The following XIRP2 variants were observed in gnomAD, a reference collection of about 807,000 sequenced individuals.
XIRP2 encodes xin actin binding repeat containing 2.
Under a neutral mutation model 277.0 loss-of-function variants are expected in XIRP2, and 236 were observed. The observed-to-expected ratio is 0.85, with a 90% CI of 0.77 to 0.95. The LOEUF (loss-of-function observed/expected upper bound fraction) is 0.95. XIRP2 is among the 40% of genes least tolerant of loss of function. XIRP2 has a pLI of 0.00. For synonymous variants in XIRP2, 1,490 were observed against 1,416.5 expected, an observed-to-expected ratio of 1.05 and a Z score of -1.17; for missense variants, 4,640 against 4,157.5, an observed-to-expected ratio of 1.12 and a Z score of -3.19.
intron 2 of XIRP2, among the ~76,000 whole-genome samples, chr2:167,006,972 A>G (rs929117606): frequency 2.0e-5 from 3 of 151,730 alleles, no homozygotes; most frequent in African/African-American, 4.8e-5. Context: ...GAAGACTTCA[A>G]TGGATTGCAG....
At chr2:167,204,941 A>G (rs544023287) in intron 3 of XIRP2, among the ~76,000 whole-genome samples, 1 of 152,256 alleles carries the variant, frequency 6.6e-6, no homozygotes, top group Admixed American at 6.5e-5. Flanking sequence ...TTCATTTGCA[A>G]TATGCTGTGA....
intron 2 of XIRP2, 93 bp from the exon 3 acceptor site, chr2:167,135,816 C>G (rs1392471371): frequency 3.3e-6 from 4 of 1,210,676 alleles, no homozygotes; most frequent in Non-Finnish European, 4.4e-6. Context: ...GAAATCCCTC[C>G]CTCTTTCATT....
intron 8 of XIRP2, among the ~76,000 whole-genome samples, chr2:167,242,133 T>C (rs1360831620): frequency 1.3e-5 from 2 of 152,146 alleles, no homozygotes; most frequent in Non-Finnish European, 2.9e-5. Flanking sequence ...ATTATATATG[T>C]TCTAAAGTCT....
At chr2:166,897,369 T>G (rs1684270852) in intron 1 of XIRP2, among the ~76,000 whole-genome samples, 1 of 152,058 alleles carries the variant, frequency 6.6e-6, no homozygotes, top group Non-Finnish European at 1.5e-5. Flanking sequence ...TTCTGTAATC[T>G]CATGTCCCAT....
intron 2 of XIRP2, among the ~76,000 whole-genome samples, chr2:167,057,379 A>T (rs1396118228): frequency 1.3e-5 from 2 of 152,158 alleles, no homozygotes; most frequent in Non-Finnish European, 2.9e-5. Context: ...TGAATTTGTG[A>T]GCAGAAGTAT....
chr2:166,924,498 T>G (rs961182917), intron 2 of XIRP2, among the ~76,000 whole-genome samples: 3 of 152,048 alleles, frequency 2.0e-5, no homozygotes, highest in Non-Finnish European at 4.4e-5. Flanking sequence ...TGAATTTTTT[T>G]CTTTATAACT....
At chr2:166,968,116 G>T (rs964520665) in intron 2 of XIRP2, among the ~76,000 whole-genome samples, 1 of 151,896 alleles carries the variant, frequency 6.6e-6, no homozygotes, top group African/African-American at 2.4e-5. Flanking sequence ...ATAGAAGAAG[G>T]TATCAGCCAT....
intron 2 of XIRP2, among the ~76,000 whole-genome samples, chr2:167,115,201 A>G (rs967416515): frequency 6.6e-6 from 1 of 152,148 alleles, no homozygotes; most frequent in Non-Finnish European, 1.5e-5. Flanking sequence ...TTTCAGCTCT[A>G]TCAGATCCGT....
intron 2 of XIRP2, among the ~76,000 whole-genome samples, chr2:166,944,642 A>T (rs1414704850): frequency 6.6e-6 from 1 of 152,198 alleles, no homozygotes; most frequent in South Asian, 2.1e-4. Flanking sequence ...TGTAACTGGG[A>T]TCAATAATAA....
intron 2 of XIRP2, among the ~76,000 whole-genome samples, chr2:166,912,105 G>A (rs1298792276): frequency 6.6e-6 from 1 of 152,090 alleles, no homozygotes; most frequent in African/African-American, 2.4e-5. Flanking sequence ...CTCTTCTCGA[G>A]GAGTATCTTT....
intron 2 of XIRP2, chr2:167,123,992 T>C (rs911487622): frequency 6.6e-6 from 1 of 151,894 alleles, no homozygotes; most frequent in Admixed American, 6.6e-5. Context: ...CCTGTAGGAG[T>C]GACAAGGATG....
intron 2 of XIRP2, among the ~76,000 whole-genome samples, chr2:167,051,075 T>A (rs1024171576): frequency 6.6e-6 from 1 of 152,014 alleles, no homozygotes; most frequent in African/African-American, 2.4e-5. Flanking sequence ...ACCCCTTTTG[T>A]AGCCATATTC....
At chr2:167,091,985 A>C (rs115089814) in intron 2 of XIRP2, among the ~76,000 whole-genome samples, 3,453 of 152,264 alleles carry the variant, frequency 0.023, 58 homozygotes, top group East Asian at 0.05. Flanking sequence ...GCAACACCAA[A>C]TGTGATTGTG....
At chr2:166,963,504 T>A (rs752978179) in intron 2 of XIRP2, among the ~76,000 whole-genome samples, 18 of 151,832 alleles carry the variant, frequency 1.2e-4, no homozygotes, top group African/African-American at 1.7e-4. Flanking sequence ...AATAAAAATG[T>A]GGAGGAGGAG....
intron 2 of XIRP2, among the ~76,000 whole-genome samples, chr2:167,094,485 T>A (rs1213733955): frequency 6.6e-6 from 1 of 152,204 alleles, no homozygotes; most frequent in African/African-American, 2.4e-5. Context: ...CTTGAGTTAA[T>A]TTTTGTATAA....
intron 3 of XIRP2, among the ~76,000 whole-genome samples, chr2:167,191,141 G>A (rs560903499): frequency 3.4e-5 from 5 of 148,302 alleles, no homozygotes; most frequent in East Asian, 2.0e-4. Flanking sequence ...AACCATGATC[G>A]TGCCACTGCA....
chr2:166,890,758 C>T lies in XIRP2; in HGVS notation c.-19+2201C>T, dbSNP rs140128797. On this transcript the variant is annotated intron_variant, in intron 1 of 10. Coordinates refer to ENST00000409195, the MANE Select transcript of XIRP2 (RefSeq NM_152381.6). ...GGTACGCAGCCTGCTTGGGATAATC[C>T]ATGAAATATTTAACAAATTTCTTCT... 3.2e-3 allele frequency among the ~76,000 whole-genome samples: 490 copies of T among 152,192 alleles called. 2 individuals carry two copies. Among genetic ancestry groups the T allele is most frequent in the African/African-American group, 0.011 (463 of 41,532 alleles).
chr2:166,980,475 G>A (rs1245646223), intron 2 of XIRP2, among the ~76,000 whole-genome samples: 3 of 152,036 alleles, frequency 2.0e-5, no homozygotes, highest in Non-Finnish European at 4.4e-5. Flanking sequence ...GGAGTGCAAT[G>A]GCACAATCTC....
At chr2:167,169,980 T>G (rs60159463) in intron 3 of XIRP2, among the ~76,000 whole-genome samples, 13,804 of 152,142 alleles carry the variant, frequency 0.091, 1,224 homozygotes, top group African/African-American at 0.23. Flanking sequence ...GTAGACATCA[T>G]CATCTCATTC....
Sources: gnomAD v4.1 joint callset for allele counts (sites outside exome capture counted in the v4.1 genomes callset) on GRCh38, gnomAD v4.1.1 for gene constraint, MANE v1.5 for transcripts, NCBI Gene and HGNC (gene_info 2026-07-23, HGNC 2026-07-21) for gene names.